Variants in CRABP1 observed in about 807,000 individuals in gnomAD.
The protein encoded by CRABP1 is cellular retinoic acid binding protein 1.
In CRABP1, 9 loss-of-function variants were observed where a neutral mutation model predicts 16.4. That is an observed-to-expected ratio of 0.55 (90% CI 0.33 to 0.96). The LOEUF (loss-of-function observed/expected upper bound fraction) is 0.96, where lower values mean the gene tolerates loss of function less well. Among genes scored for constraint, CRABP1 ranks in the 40% least tolerant of loss-of-function variants. CRABP1 has a pLI of 0.03. For synonymous variants in CRABP1, 72 were observed against 70.4 expected (o/e 1.02, Z -0.11); for missense variants, 157 against 186.0 (o/e 0.84, Z 0.91).
intron 3 of CRABP1, among the ~76,000 whole-genome samples, chr15:78,346,247 G>A (rs2141528602): frequency 6.6e-6 from 1 of 152,248 alleles, no homozygotes; most frequent in East Asian, 1.9e-4. Context: ...ACTTACGGTG[G>A]GAAAGTCAAG....
In CRABP1 at chr15:78,343,648, TC is replaced by T. The variant is rs2050248287; in HGVS notation, c.363+41del. The T allele has an allele frequency of 4.4e-6, 7 of 1,585,084 alleles. No individual in the cohort carries two copies. The African/African-American group carries it at 6.7e-5, about 15-fold the overall frequency. ...CTTGACCCTGAAATAATCCTGAAGT[TC>T]CCCCAGAGGGGGCCCCAGATGGGCC... On this transcript the variant is annotated intron_variant, in intron 3 of 3. Coordinates refer to ENST00000299529, the MANE Select transcript of CRABP1 (RefSeq NM_004378.3).
At position 78,341,598 on chromosome 15, in the gene CRABP1, G is replaced by T. The variant is rs922959860; in HGVS notation, c.249+377G>T. ...CAGGTTCTCTGTCGCAGGTGAAGCC[G>T]CAGCTCTTGCATTCCTTTCCCGCCG... On this transcript the variant is annotated intron_variant, in intron 2 of 3. Transcript: ENST00000299529. This position sits in a 1 kb window ranked among gnomAD's most constrained non-coding sequence, Gnocchi z 5.3. The T allele has an allele frequency of 6.8e-5, 21 of 309,232 alleles. No individual in the cohort carries two copies. The highest frequency in any genetic ancestry group is 4.6e-4 in the African/African-American group (21 of 45,820). The allele number at this position is 309,232 out of a possible 1,614,324, so 19.2% of individuals were successfully genotyped here. A position where few individuals can be genotyped will look rare whatever the true frequency, so the allele number is the denominator to read the frequency against.
Position 78,340,379 on chromosome 15 carries a change from T to C in CRABP1, c.-50T>C. Reference sequence around the variant, plus strand: ...GTCTCCGCCTTGCGAGCTCAGAGTGTGCCCGCTGCGCCGCCGCTGTCCGTA... The same window carrying C: ...GTCTCCGCCTTGCGAGCTCAGAGTGCGCCCGCTGCGCCGCCGCTGTCCGTA... On this transcript the variant is annotated 5_prime_UTR_variant, in exon 1 of 4. Coordinates refer to ENST00000299529, the MANE Select transcript of CRABP1 (RefSeq NM_004378.3). 6.4e-7 allele frequency: 1 copy of C among 1,553,276 alleles called. No individual in the cohort carries two copies.
Position 78,341,347 on chromosome 15 carries a change from T to A in CRABP1, c.249+126T>A. 1 of 1,092,950 alleles carries A rather than the reference T, an allele frequency of 9.1e-7. No homozygotes were observed. Among genetic ancestry groups the A allele is most frequent in the South Asian group, 1.4e-5 (1 of 73,430 alleles). 67.7% of individuals were successfully genotyped at this position (1,092,950 alleles called of 1,614,324 possible). Reference sequence around the variant, plus strand: ...CGCCTTCCTTGCAGGGTGTGTACACTGGCTGTTTGCAGAGGGGGTTTGTGC... The same window carrying A: ...CGCCTTCCTTGCAGGGTGTGTACACAGGCTGTTTGCAGAGGGGGTTTGTGC... On this transcript the variant is annotated intron_variant, in intron 2 of 3. Transcript: ENST00000299529. The surrounding 1 kb of genome is among the most constrained non-coding windows in gnomAD (Gnocchi z 5.3).
At position 78,348,086 on chromosome 15, in the gene CRABP1, T is replaced by A; in HGVS notation, c.*109T>A. ...GCCCTTTTCCCCTACCAATATTAGG[T>A]GATCCCGTTTTCCCCATGACAATGT... On this transcript the variant is annotated 3_prime_UTR_variant, in exon 4 of 4. Transcript: ENST00000299529. The A allele has an allele frequency of 9.7e-7, 1 of 1,036,146 alleles. No homozygotes were observed. Among genetic ancestry groups the A allele is most frequent in the Admixed American group, 2.1e-5 (1 of 47,494 alleles). 64.2% of individuals were successfully genotyped at this position (1,036,146 alleles called of 1,614,324 possible). A position where few individuals can be genotyped will look rare whatever the true frequency, so the allele number is the denominator to read the frequency against.
At chr15:78,347,869 T>C (rs2050275194) in intron 3 of CRABP1, 58 bp from the exon 4 acceptor site, 1 of 1,550,552 alleles carries the variant, frequency 6.4e-7, no homozygotes, top group Non-Finnish European at 8.9e-7. Flanking sequence ...TGATATGCTT[T>C]AAACATTTTT....
intron 2 of CRABP1, among the ~76,000 whole-genome samples, chr15:78,342,738 TGAG>T (rs1440492526): frequency 1.3e-5 from 2 of 152,188 alleles, no homozygotes; most frequent in Non-Finnish European, 2.9e-5. Flanking sequence ...CTAAATCTGA[TGAG>T]GAGTGAACAG....
At chr15:78,344,633 T>G (rs559238482) in intron 3 of CRABP1, among the ~76,000 whole-genome samples, 1 of 151,936 alleles carries the variant, frequency 6.6e-6, no homozygotes, top group East Asian at 1.9e-4. Context: ...GCTCTCCCTT[T>G]GTGTTACAAA....
chr15:78,340,444 G>C lies in CRABP1; in HGVS notation c.16G>C (p.Gly6Arg), dbSNP rs1258663622. Residue 6 changes from glycine to arginine, a missense_variant, in exon 1 of 4, where the codon GGC becomes CGC. Gly to Arg is a moderately radical substitution (Grantham distance 125). Transcript: ENST00000299529. MPNFA[G>R]TWKMRSSENF... The stretch of plus-strand genomic sequence containing the variant: ...CACCGCCACCATGCCCAACTTCGCC[G>C]GCACCTGGAAGATGCGCAGCAGCGA... 5.6e-6 allele frequency: 9 copies of C among 1,602,444 alleles called. No homozygotes were observed. Among genetic ancestry groups the C allele is most frequent in the Non-Finnish European group, 7.7e-6 (9 of 1,176,088 alleles).
chr15:78,344,322 T>C (rs1252417369), intron 3 of CRABP1, among the ~76,000 whole-genome samples: 1 of 152,050 alleles, frequency 6.6e-6, no homozygotes, highest in Non-Finnish European at 1.5e-5. Flanking sequence ...TAGCCGGGCG[T>C]GGTGGCATAT....
intron 2 of CRABP1, among the ~76,000 whole-genome samples, chr15:78,342,979 G>T (rs1227008189): frequency 8.5e-5 from 13 of 152,116 alleles, no homozygotes; most frequent in Non-Finnish European, 1.9e-4. Context: ...GCTGGGCGTG[G>T]TGGCAGGCAC....
At position 78,341,977 on chromosome 15, in the gene CRABP1, GA is replaced by G. The variant is rs1310146078; in HGVS notation, c.249+758del. ...GCTACCACTTATTTAAAAAGTGACA[GA>G]ATGTCTCCCTCCCCTTCTCCAATTT... On this transcript the variant is annotated intron_variant, in intron 2 of 3. Transcript: ENST00000299529. This position sits in a 1 kb window ranked among gnomAD's most constrained non-coding sequence, Gnocchi z 5.3. Among the ~76,000 whole-genome samples, 1 of 152,046 alleles carries G rather than the reference GA, an allele frequency of 6.6e-6. No individual in the cohort carries two copies. The highest frequency in any genetic ancestry group is 1.5e-5 in the Non-Finnish European group (1 of 68,028).
chr15:78,345,632 T>C (rs1027048314), intron 3 of CRABP1, among the ~76,000 whole-genome samples: 3 of 152,160 alleles, frequency 2.0e-5, no homozygotes, highest in Admixed American at 2.0e-4. Flanking sequence ...GGCCAAATTC[T>C]GCTAGATGGA....
chr15:78,340,752 TG>T (rs1374964968), intron 1 of CRABP1: 1 of 601,990 alleles, frequency 1.7e-6, no homozygotes, highest in East Asian at 2.8e-5. Context: ...CTTTATCTCG[TG>T]CTAGATCATA....
At position 78,346,047 on chromosome 15, in the gene CRABP1, G is replaced by A. The variant is rs55833559; in HGVS notation, c.364-1880G>A. Among the ~76,000 whole-genome samples, 1,120 of 152,270 alleles carry A rather than the reference G, an allele frequency of 7.4e-3. 4 individuals are homozygous for A. The highest frequency in any genetic ancestry group is 0.01 in the Non-Finnish European group (710 of 68,014). ...GCGCTTCAAATGTGGTTGGAAATGC[G>A]GCGATTTCTTCTCATGTCATGAAGC... On this transcript the variant is annotated intron_variant, in intron 3 of 3. Coordinates refer to ENST00000299529, the MANE Select transcript of CRABP1 (RefSeq NM_004378.3).
Position 78,343,604 on chromosome 15 carries a change from C to T in CRABP1, c.355C>T (p.Leu119Phe). 1.2e-6 allele frequency: 2 copies of T among 1,614,084 alleles called. No homozygotes were observed. The highest frequency in any genetic ancestry group is 1.7e-6 in the Non-Finnish European group (2 of 1,179,948). The change falls in exon 3 of 4, where the codon CTT becomes TTT. Residue 119 changes from leucine (L) to phenylalanine (F), a missense_variant. Transcript: ENST00000299529. ...YWTRELANDE[L>F]ILTFGADDVV... Reference sequence around the variant, plus strand: ...GACCCGTGAGCTGGCCAACGATGAACTTATCCTGGTAGGGAACCCTTGACC... The same window carrying T: ...GACCCGTGAGCTGGCCAACGATGAATTTATCCTGGTAGGGAACCCTTGACC...
rs1019946892 is a variant in CRABP1, at chr15:78,343,440, G to T, written c.250-59G>T. The T allele has an allele frequency of 7.6e-5, 100 of 1,324,182 alleles. 1 individual carries two copies. The South Asian group carries it at 9.4e-4, about 12-fold the overall frequency. 82.0% of individuals were successfully genotyped at this position (1,324,182 alleles called of 1,614,324 possible). A position where few individuals can be genotyped will look rare whatever the true frequency, so the allele number is the denominator to read the frequency against. ...CAATTATTTTTCAATGCTCATTGTT[G>T]TCCCTGCTCCCGCTGCTGAGACTCT... On this transcript the variant is annotated intron_variant, in intron 2 of 3. Coordinates refer to ENST00000299529, the MANE Select transcript of CRABP1 (RefSeq NM_004378.3).
chr15:78,341,612 C>T lies in CRABP1; in HGVS notation c.249+391C>T, dbSNP rs2050235621. 1.3e-5 allele frequency: 4 copies of T among 299,468 alleles called. No homozygotes were observed. The highest frequency in any genetic ancestry group is 1.2e-4 in the South Asian group (4 of 33,408). The allele number at this position is 299,468 out of a possible 1,614,324, so 18.6% of individuals were successfully genotyped here. A position where few individuals can be genotyped will look rare whatever the true frequency, so the allele number is the denominator to read the frequency against. Reference sequence around the variant, plus strand: ...CAGGTGAAGCCGCAGCTCTTGCATTCCTTTCCCGCCGTATCCCCCGCGCCC... The same window carrying T: ...CAGGTGAAGCCGCAGCTCTTGCATTTCTTTCCCGCCGTATCCCCCGCGCCC... On this transcript the variant is annotated intron_variant, in intron 2 of 3. Coordinates refer to ENST00000299529, the MANE Select transcript of CRABP1 (RefSeq NM_004378.3). The surrounding 1 kb of genome is among the most constrained non-coding windows in gnomAD (Gnocchi z 5.3).
intron 3 of CRABP1, among the ~76,000 whole-genome samples, chr15:78,346,637 C>A (rs2050267107): frequency 6.6e-6 from 1 of 152,200 alleles, no homozygotes; most frequent in East Asian, 1.9e-4. Flanking sequence ...CCATTGCACT[C>A]CAGCCTGGGT....
Sources: allele counts gnomAD v4.1 joint callset (sites outside exome capture counted in the v4.1 genomes callset), GRCh38; gene constraint gnomAD v4.1.1; non-coding constraint Gnocchi (gnomAD v3.1); transcripts MANE v1.5; gene names NCBI Gene and HGNC (gene_info 2026-07-23, HGNC 2026-07-21).